The following BICRA variants were observed in gnomAD, a reference collection of about 807,000 sequenced individuals.
BICRA encodes the protein BRD4-interacting chromatin-remodeling complex-associated protein.
In BICRA, 31 loss-of-function variants were observed where a neutral mutation model predicts 96.9. The ratio of observed to expected loss-of-function variants is 0.32; its 90% CI spans 0.24 to 0.43. The LOEUF (loss-of-function observed/expected upper bound fraction) is 0.43, where lower values mean the gene tolerates loss of function less well. BICRA is among the 20% of genes least tolerant of loss of function. The pLI, the probability that BICRA is intolerant of heterozygous loss-of-function variation, is 1.00. For synonymous variants in BICRA, 1,350 were observed against 1,071.8 expected (o/e 1.26, Z -5.07); for missense variants, 2,283 against 2,190.3 (o/e 1.04, Z -0.84).
At position 47,687,761 on chromosome 19, in the gene BICRA, G is replaced by T. The variant is rs1354613075; in HGVS notation, c.2283+5609G>T. Among the ~76,000 whole-genome samples, 3 of 147,844 alleles carry T rather than the reference G, an allele frequency of 2.0e-5. No individual in the cohort carries two copies. The Admixed American group carries it at 2.1e-4, about 10-fold the overall frequency. ...GATTGTAGTGAGCCTAGAGAGGGTT[G>T]CAGTGAGCTGAGATCGTGCCACTAC... On this transcript the variant is annotated intron_variant, in intron 7 of 14. Transcript: ENST00000594866.
At chr19:47,617,433 G>A (rs1292708385) in intron 1 of BICRA, among the ~76,000 whole-genome samples, 1 of 151,094 alleles carries the variant, frequency 6.6e-6, no homozygotes, top group Non-Finnish European at 1.5e-5. Flanking sequence ...GCGCCATATC[G>A]GCTCACTGCA....
intron 1 of BICRA, among the ~76,000 whole-genome samples, chr19:47,648,336 G>A (rs896403824): frequency 1.3e-5 from 2 of 152,058 alleles, no homozygotes; most frequent in South Asian, 2.1e-4. Flanking sequence ...TAGGTCAGGC[G>A]CCTGACAGCG....
At chr19:47,629,033 G>A (rs955387892) in intron 1 of BICRA, among the ~76,000 whole-genome samples, 4 of 151,172 alleles carry the variant, frequency 2.6e-5, no homozygotes, top group Admixed American at 6.6e-5. Flanking sequence ...ATGCAGTCTC[G>A]CTGTGTTGCC....
Position 47,698,176 on chromosome 19 carries a change from CA to C in BICRA, c.3249-454del, listed in dbSNP as rs1430305243. On this transcript the variant is annotated intron_variant, in intron 11 of 14. Transcript: ENST00000594866. This position sits in a 1 kb window ranked among gnomAD's most constrained non-coding sequence, Gnocchi z 4.8. ...GGGAGACAGTCACACTGCCAACAGA[CA>C]AAACCCATTGTAACATGGGCTACAA... is the stretch of plus-strand genomic sequence containing the variant. Among the ~76,000 whole-genome samples the C allele has an allele frequency of 6.6e-6, 1 of 151,908 alleles. No homozygotes were observed. The highest frequency in any genetic ancestry group is 1.5e-5 in the Non-Finnish European group (1 of 67,826).
chr19:47,639,224 C>G (rs1243536178), intron 1 of BICRA, among the ~76,000 whole-genome samples: 1 of 150,484 alleles, frequency 6.6e-6, no homozygotes, highest in Admixed American at 6.7e-5. Flanking sequence ...CCCAGGCTGG[C>G]CTTGAACTCC....
chr19:47,649,437 C>T (rs886532702), intron 1 of BICRA, among the ~76,000 whole-genome samples: 43 of 152,166 alleles, frequency 2.8e-4, no homozygotes, highest in Non-Finnish European at 7.3e-5. Context: ...AACGTATTGA[C>T]AAGCAAAGGA....
intron 14 of BICRA, chr19:47,700,919 A>G: frequency 4.4e-6 from 1 of 227,926 alleles, no homozygotes; most frequent in Non-Finnish European, 8.5e-6. Flanking sequence ...GTCCAATAGA[A>G]CTTCATATTT....
At chr19:47,695,523 G>C in intron 10 of BICRA, 49 bp downstream of exon 10, 2 of 836,334 alleles carry the variant, frequency 2.4e-6, no homozygotes, top group Non-Finnish European at 4.0e-6. Flanking sequence ...GAGTCTTCGG[G>C]AACTGGGAAC....
At chr19:47,695,680 A>C (rs1350582096) in intron 10 of BICRA, among the ~76,000 whole-genome samples, 1 of 152,114 alleles carries the variant, frequency 6.6e-6, no homozygotes, top group Non-Finnish European at 1.5e-5. Flanking sequence ...AGGGAGAAAC[A>C]CGGAGACGGT....
chr19:47,685,791 G>A (rs1411541515), intron 7 of BICRA, among the ~76,000 whole-genome samples: 4 of 127,652 alleles, frequency 3.1e-5, no homozygotes, highest in African/African-American at 1.1e-4. Context: ...GTGTGTGCGC[G>A]CGCGCGCGCA....
chr19:47,674,144 G>A (rs536792100), intron 4 of BICRA, among the ~76,000 whole-genome samples: 1 of 152,314 alleles, frequency 6.6e-6, no homozygotes, highest in Non-Finnish European at 1.5e-5. Flanking sequence ...GAGACCTGAA[G>A]GATCACAGGG....
At chr19:47,615,477 C>T (rs1006787496) in intron 1 of BICRA, among the ~76,000 whole-genome samples, 2 of 152,152 alleles carry the variant, frequency 1.3e-5, no homozygotes, top group African/African-American at 2.4e-5. Flanking sequence ...AGGTCAGGAG[C>T]GTGGGCTCTG....
At position 47,679,342 on chromosome 19, in the gene BICRA, G is replaced by A. The variant is rs1972990157; in HGVS notation, c.172G>A (p.Gly58Ser). The stretch of plus-strand genomic sequence containing the variant: ...GCAGCTCCATGTGCAAGAAGCTTCC[G>A]GCAACCACCTGAACCCAGAGCCCAA... ...GPGLHVQEAS[G>S]NHLNPEPNQP... is the part of the protein sequence containing the mutation. The change falls in exon 6 of 15, where the codon GGC becomes AGC. Residue 58 changes from glycine (G) to serine (S), a missense_variant. Gly to Ser is a moderately conservative substitution (Grantham distance 56). Coordinates refer to ENST00000594866, the MANE Select transcript of BICRA (RefSeq NM_001394372.1). The A allele has an allele frequency of 7.0e-6, 10 of 1,423,468 alleles. No homozygotes were observed. The highest frequency in any genetic ancestry group is 8.3e-6 in the Non-Finnish European group (9 of 1,087,286). 88.2% of individuals were successfully genotyped at this position (1,423,468 alleles called of 1,614,324 possible).
At chr19:47,649,961 AC>A (rs1972517629) in intron 1 of BICRA, among the ~76,000 whole-genome samples, 1 of 151,924 alleles carries the variant, frequency 6.6e-6, no homozygotes, top group Non-Finnish European at 1.5e-5. Flanking sequence ...TTTTGCCATT[AC>A]TTTTTTTTTT....
intron 1 of BICRA, among the ~76,000 whole-genome samples, chr19:47,638,497 C>T (rs1345814764): frequency 3.3e-5 from 5 of 152,332 alleles, no homozygotes; most frequent in South Asian, 2.1e-4. Flanking sequence ...CCTATACCCA[C>T]GTCCTCTTCC....
At chr19:47,626,708 G>C (rs1972145350) in intron 1 of BICRA, among the ~76,000 whole-genome samples, 1 of 136,328 alleles carries the variant, frequency 7.3e-6, no homozygotes, top group South Asian at 2.4e-4. Flanking sequence ...ACGTCCAGCT[G>C]CATCCTGGGT....
rs1973448134 is a variant in BICRA, at chr19:47,701,604, C to T, written c.3872C>T (p.Ser1291Phe). 6.4e-7 allele frequency: 1 copy of T among 1,559,804 alleles called. No individual in the cohort carries two copies. The highest frequency in any genetic ancestry group is 8.7e-7 in the Non-Finnish European group (1 of 1,153,002). The change falls in exon 15 of 15, where the codon TCC becomes TTC. Residue 1291 changes from serine (S) to phenylalanine (F), a missense_variant. Ser to Phe is a radical substitution (Grantham distance 155). Transcript: ENST00000594866. The surrounding 1 kb of genome is among the most constrained non-coding windows in gnomAD (Gnocchi z 5.4). Reference sequence around the variant, plus strand: ...GCCGACGAGGACGGCCCCATGCCCTCCCGCAACCGCCCGCCCATCAAGACC... The same window carrying T: ...GCCGACGAGGACGGCCCCATGCCCTTCCGCAACCGCCCGCCCATCAAGACC... ...LDADEDGPMPSRNRPPIKTYE... is the reference protein window; with the variant it reads ...LDADEDGPMPFRNRPPIKTYE...
intron 1 of BICRA, among the ~76,000 whole-genome samples, chr19:47,648,677 T>TG (rs1972498604): frequency 1.3e-5 from 2 of 149,574 alleles, no homozygotes; most frequent in Admixed American, 6.7e-5. Flanking sequence ...TTTTTTTTTT[T>TG]TGTTTGTTTT....
intron 1 of BICRA, among the ~76,000 whole-genome samples, chr19:47,621,722 G>A (rs945874805): frequency 2.0e-5 from 3 of 151,978 alleles, no homozygotes; most frequent in Non-Finnish European, 4.4e-5. Context: ...ACTGGCGTCC[G>A]CCTCCCAAAG....
Sources: gnomAD v4.1 joint callset for allele counts (sites outside exome capture counted in the v4.1 genomes callset) on GRCh38, gnomAD v4.1.1 for gene constraint, Gnocchi (gnomAD v3.1) non-coding constraint, MANE v1.5 for transcripts, NCBI Gene and HGNC (gene_info 2026-07-23, HGNC 2026-07-21) for gene names.